Variants in SUSD2 observed in about 807,000 individuals in gnomAD.
SUSD2 encodes sushi domain containing 2.
In SUSD2, 86 loss-of-function variants were observed where a neutral mutation model predicts 93.8. That is an observed-to-expected ratio of 0.92 (90% CI 0.77 to 1.10). The LOEUF is 1.10. SUSD2 is among the 50% of genes least tolerant of loss of function. The pLI is 0.00. For synonymous variants in SUSD2, 483 were observed against 485.0 expected, an observed-to-expected ratio of 1.00 and a Z score of 0.05; for missense variants, 1,060 against 1,137.0, an observed-to-expected ratio of 0.93 and a Z score of 0.97.
chr22:24,185,031 G>C, intron 5 of SUSD2, 63 bp from the exon 6 acceptor site: 2 of 1,611,282 alleles, frequency 1.2e-6, no homozygotes, highest in Non-Finnish European at 1.7e-6. Flanking sequence ...CTGGGGGTGG[G>C]GAGAGTGGGG....
intron 1 of SUSD2, among the ~76,000 whole-genome samples, chr22:24,182,381 T>A (rs912365802): frequency 2.0e-5 from 3 of 152,146 alleles, no homozygotes; most frequent in Non-Finnish European, 4.4e-5. Context: ...CACCCCCACT[T>A]CCCTTTCCCC....
chr22:24,188,822 C>A lies in SUSD2; in HGVS notation c.*386C>A. ...AGCCTCAGATTCCAATACCTCACTC[C>A]CCAGAGCCTGATGCCGGGGCCCCTG... On this transcript the variant is annotated 3_prime_UTR_variant, in exon 15 of 15. Coordinates refer to ENST00000358321, the MANE Select transcript of SUSD2 (RefSeq NM_019601.4). This position sits in a 1 kb window ranked among gnomAD's most constrained non-coding sequence, Gnocchi z 4.7. The A allele has an allele frequency of 4.9e-6, 1 of 205,056 alleles. No homozygotes were observed. 12.7% of individuals were successfully genotyped at this position (205,056 alleles called of 1,614,324 possible).
chr22:24,187,852 G>A lies in SUSD2; in HGVS notation c.2164+9G>A, dbSNP rs767182751. 8.7e-6 allele frequency: 14 copies of A among 1,607,330 alleles called. No homozygotes were observed. Among genetic ancestry groups the A allele is most frequent in the Admixed American group, 3.3e-5 (2 of 59,804 alleles). Reference sequence around the variant, plus strand: ...GCAGAGCCTGCAGCCAGGTGAGGGCGGGCAGGTGGGGGTGGGCGGGGAGCT... The same window carrying A: ...GCAGAGCCTGCAGCCAGGTGAGGGCAGGCAGGTGGGGGTGGGCGGGGAGCT... On this transcript the variant is annotated intron_variant, in intron 12 of 14. Coordinates refer to ENST00000358321, the MANE Select transcript of SUSD2 (RefSeq NM_019601.4).
rs2047378982 is a variant in SUSD2, at chr22:24,187,685, C to A, written c.2006C>A (p.Thr669Asn). 2.5e-6 allele frequency: 4 copies of A among 1,614,128 alleles called. No individual in the cohort carries two copies. The highest frequency in any genetic ancestry group is 2.2e-5 in the East Asian group (1 of 44,882). Residue 669 changes from threonine (T) to asparagine (N), a missense_variant, in exon 12 of 15, where the codon ACC (threonine) becomes AAC (asparagine). By Grantham distance (65) the Thr-to-Asn change is moderately conservative. Coordinates refer to ENST00000358321, the MANE Select transcript of SUSD2 (RefSeq NM_019601.4). ...TTCGAGCCCCTCTTCCCCAGTGAGA[C>A]CACCCTCAACCCCAGCCTGGCACAA... ...PTFEPLFPSE[T>N]TLNPSLAQEA...
In SUSD2 at chr22:24,187,430, T is replaced by A; in HGVS notation, c.1871T>A (p.Leu624Gln). The A allele has an allele frequency of 6.2e-7, 1 of 1,612,968 alleles. No individual in the cohort carries two copies. Among genetic ancestry groups the A allele is most frequent in the Non-Finnish European group, 8.5e-7 (1 of 1,179,942 alleles). Reference protein sequence around the residue: ...VLPPGTSPQELFLFGANWTVH... With the variant: ...VLPPGTSPQEQFLFGANWTVH... ...CCCCCAGGCACCAGTCCCCAGGAGC[T>A]GTTCCTGTTTGGGGCCAACTGTGAG... The change falls in exon 11 of 15, where the codon CTG (leucine) becomes CAG (glutamine). Residue 624 changes from leucine (L) to glutamine (Q), a missense_variant. This residue lies in a region of SUSD2 where 973 missense variants were observed against 1,005.3 expected (regional missense o/e 0.97). Transcript: ENST00000358321.
In SUSD2 at chr22:24,185,225, A is replaced by C; in HGVS notation, c.914A>C (p.Asn305Thr). Residue 305 changes from asparagine to threonine, a missense_variant, in exon 6 of 15, where the codon AAC becomes ACC. Asn to Thr is a moderately conservative substitution (Grantham distance 65). Transcript: ENST00000358321. Reference protein sequence around the residue: ...AWEELEDQLPNFLEELPDCPC... With the variant: ...AWEELEDQLPTFLEELPDCPC... ...GAGGAGCTGGAGGATCAGCTGCCCAACTTCCTGGAGGAGCTGCCGGACTGC... is the reference window on the plus strand; with the variant it reads ...GAGGAGCTGGAGGATCAGCTGCCCACCTTCCTGGAGGAGCTGCCGGACTGC... The C allele has an allele frequency of 6.2e-7, 1 of 1,609,966 alleles. No homozygotes were observed. The highest frequency in any genetic ancestry group is 8.5e-7 in the Non-Finnish European group (1 of 1,179,902).
chr22:24,183,210 A>G lies in SUSD2; in HGVS notation c.230A>G (p.Asp77Gly). 6.2e-7 allele frequency: 1 copy of G among 1,613,910 alleles called. No homozygotes were observed. The highest frequency in any genetic ancestry group is 1.1e-5 in the South Asian group (1 of 91,074). The change falls in exon 2 of 15, where the codon GAC (aspartate) becomes GGC (glycine). Residue 77 changes from aspartate to glycine, a missense_variant. Coordinates refer to ENST00000358321, the MANE Select transcript of SUSD2 (RefSeq NM_019601.4). ...TCAGGATCCATGATGGGCGGCAAGG[A>G]CTTTGTGGTGCGGCACTTCAAGATG... ...PYSGSMMGGK[D>G]FVVRHFKMSS...
In SUSD2 at chr22:24,186,345, C is replaced by A; in HGVS notation, c.1572C>A (p.Thr524=). 1 of 1,613,916 alleles carries A rather than the reference C, an allele frequency of 6.2e-7. No individual in the cohort carries two copies. The highest frequency in any genetic ancestry group is 8.5e-7 in the Non-Finnish European group (1 of 1,180,040). Residue 524 remains threonine (T), a synonymous_variant, in exon 10 of 15, where the codon ACC becomes ACA. Transcript: ENST00000358321. ...DVVEVRLANR[T]GGLEVLLNQE... ...TGGAAGTCAGGCTGGCCAACAGGAC[C>A]GGAGGTCTGGAGGTGCTGCTGAACC...
At chr22:24,183,726 T>C in intron 3 of SUSD2, 80 bp downstream of exon 3, 3 of 1,463,212 alleles carry the variant, frequency 2.1e-6, no homozygotes, top group Non-Finnish European at 2.8e-6. Context: ...AGACTTGGCC[T>C]GTCCGTGCCC....
Position 24,183,484 on chromosome 22 carries a change from C to T in SUSD2, c.288-11C>T. 6.2e-7 allele frequency: 1 copy of T among 1,606,272 alleles called. No homozygotes were observed. The highest frequency in any genetic ancestry group is 1.1e-5 in the South Asian group (1 of 90,914). ...ATGACCCAGCCCCTCCCACCACCAC[C>T]ACGCCCACAGGTTTAAGGACAGCAT... On this transcript the variant is annotated splice_polypyrimidine_tract_variant and intron_variant, in intron 2 of 14. Transcript: ENST00000358321.
Position 24,186,157 on chromosome 22 carries a change from A to G in SUSD2, c.1481A>G (p.Asn494Ser), listed in dbSNP as rs777114324. ...CGGGCCCAGCCCGGGACGATGTCCA[A>G]CGGTGAGGCCAGGGCTAGGGGCTGC... ...QARAQPGTMSNGTETRGTGLT... is the reference protein window; with the variant it reads ...QARAQPGTMSSGTETRGTGLT... Residue 494 changes from asparagine to serine, a missense_variant and splice_region_variant, in exon 9 of 15, where the codon AAC (asparagine) becomes AGC (serine). By Grantham distance (46) the Asn-to-Ser change is conservative. Around this residue, in one of 2 missense-constraint regions of SUSD2, gnomAD observed 973 missense variants for 1,005.3 expected, o/e 0.97. Transcript: ENST00000358321. 54 of 1,609,166 alleles carry G rather than the reference A, an allele frequency of 3.4e-5. No homozygotes were observed. The highest frequency in any genetic ancestry group is 5.0e-5 in the Admixed American group (3 of 59,672).
In SUSD2 at chr22:24,187,587, G is replaced by A. The variant is rs772360127; in HGVS notation, c.1908G>A (p.Ala636=). The A allele has an allele frequency of 1.6e-5, 26 of 1,612,762 alleles. No individual in the cohort carries two copies. In the African/African-American group the frequency reaches 1.7e-4, roughly 11 times the overall value. Residue 636 remains alanine (A), a synonymous_variant, in exon 12 of 15, where the codon GCG becomes GCA. Transcript: ENST00000358321. ...LFGANWTVHN[A]SSLLTYDSWF... ...ATCTTCCAGGGACCGTGCACAATGC[G>A]TCCTCCCTGCTCACCTACGATTCCT...
chr22:24,187,611 C>T lies in SUSD2; in HGVS notation c.1932C>T (p.Ser644=). 6.2e-7 allele frequency: 1 copy of T among 1,613,986 alleles called. No homozygotes were observed. The highest frequency in any genetic ancestry group is 1.1e-5 in the South Asian group (1 of 91,078). ...CGTCCTCCCTGCTCACCTACGATTC[C>T]TGGTTCCTGGTCCACAACTTCCTGT... ...HNASSLLTYD[S]WFLVHNFLYQ... Residue 644 remains serine, a synonymous_variant, in exon 12 of 15, where the codon TCC becomes TCT. Coordinates refer to ENST00000358321, the MANE Select transcript of SUSD2 (RefSeq NM_019601.4).
rs1161165670 is a variant in SUSD2 at position 24,183,172 on chromosome 22, G to T, written c.192G>T (p.Glu64Asp). The T allele has an allele frequency of 3.7e-6, 6 of 1,614,044 alleles. No individual in the cohort carries two copies. The East Asian group carries it at 1.3e-4, about 36-fold the overall frequency. ...CCLDFRDFCLEILPYSGSMMG... is the reference protein window; with the variant it reads ...CCLDFRDFCLDILPYSGSMMG... ...TGGATTTCCGGGACTTCTGCCTGGA[G>T]ATATTGCCCTACTCAGGATCCATGA... Residue 64 changes from glutamate to aspartate, a missense_variant, in exon 2 of 15, where the codon GAG (glutamate) becomes GAT (aspartate). This residue lies in a region of SUSD2 where 87 missense variants were observed against 131.6 expected (regional missense o/e 0.66). Transcript: ENST00000358321.
chr22:24,188,706 C>G lies in SUSD2; in HGVS notation c.*270C>G. 1 of 474,180 alleles carries G rather than the reference C, an allele frequency of 2.1e-6. No individual in the cohort carries two copies. The highest frequency in any genetic ancestry group is 3.8e-6 in the Non-Finnish European group (1 of 261,542). The allele number at this position is 474,180 out of a possible 1,614,324, so 29.4% of individuals were successfully genotyped here. A position where few individuals can be genotyped will look rare whatever the true frequency, so the allele number is the denominator to read the frequency against. ...AACTTCATACCCTGGGATTCTAATA[C>G]CTATGTCCTGAGCCCTGACACTCCC... On this transcript the variant is annotated 3_prime_UTR_variant, in exon 15 of 15. Coordinates refer to ENST00000358321, the MANE Select transcript of SUSD2 (RefSeq NM_019601.4). This position sits in a 1 kb window ranked among gnomAD's most constrained non-coding sequence, Gnocchi z 4.7.
At chr22:24,183,423 G>A in intron 2 of SUSD2, 72 bp from the exon 3 acceptor site, 1 of 1,567,288 alleles carries the variant, frequency 6.4e-7, no homozygotes, top group Non-Finnish European at 8.6e-7. Flanking sequence ...CCCCAGGGAG[G>A]TTGGGGGCCC....
Position 24,187,418 on chromosome 22 carries a change from G to T in SUSD2, c.1859G>T (p.Ser620Ile). The T allele has an allele frequency of 6.2e-7, 1 of 1,613,326 alleles. No individual in the cohort carries two copies. Among genetic ancestry groups the T allele is most frequent in the Non-Finnish European group, 8.5e-7 (1 of 1,179,990 alleles). ...HSGRVLPPGT[S>I]PQELFLFGAN... is the part of the protein sequence containing the mutation. ...GGGCGCGTCCTGCCCCCAGGCACCAGTCCCCAGGAGCTGTTCCTGTTTGGG... is the reference window on the plus strand; with the variant it reads ...GGGCGCGTCCTGCCCCCAGGCACCATTCCCCAGGAGCTGTTCCTGTTTGGG... Residue 620 changes from serine to isoleucine, a missense_variant, in exon 11 of 15, where the codon AGT (serine) becomes ATT (isoleucine). Ser to Ile is a moderately radical substitution (Grantham distance 142, BLOSUM62 -2). Coordinates refer to ENST00000358321, the MANE Select transcript of SUSD2 (RefSeq NM_019601.4).
In SUSD2 at chr22:24,187,975, G is replaced by A. The variant is rs756266108; in HGVS notation, c.2181G>A (p.Trp727Ter). Residue 727 changes from tryptophan to a stop codon, truncating the protein, a stop_gained, in exon 13 of 15, where the codon TGG (tryptophan) becomes TGA (stop). Coordinates refer to ENST00000358321, the MANE Select transcript of SUSD2 (RefSeq NM_019601.4). LOFTEE classifies it high-confidence loss of function. ...QSLQPVVSCG[W>*]LAPPPNGQKE... ...CCATCCCAGTGGTGTCCTGTGGCTG[G>A]CTGGCCCCACCTCCCAACGGACAAA... is the stretch of plus-strand genomic sequence containing the variant. 3.1e-6 allele frequency: 5 copies of A among 1,612,670 alleles called. No individual in the cohort carries two copies. In the Admixed American group the frequency reaches 8.3e-5, roughly 27 times the overall value.
intron 6 of SUSD2, 39 bp downstream of exon 6, chr22:24,185,334 G>A (rs771334027): frequency 6.3e-7 from 1 of 1,588,730 alleles, no homozygotes. Context: ...GGGATGAGGG[G>A]TTAGCCTCCC....
Sources: allele counts gnomAD v4.1 joint callset (sites outside exome capture counted in the v4.1 genomes callset), GRCh38; gene constraint gnomAD v4.1.1; regional missense constraint gnomAD v4.1.1; non-coding constraint Gnocchi (gnomAD v3.1); transcripts MANE v1.5; gene names NCBI Gene and HGNC (gene_info 2026-07-23, HGNC 2026-07-21).